IGBP1: variants seen among roughly 807,000 people sequenced by gnomAD.
IGBP1 encodes the protein immunoglobulin-binding protein 1.
A neutral mutation model predicts 25.9 loss-of-function variants in IGBP1; 2 were observed. The ratio of observed to expected loss-of-function variants is 0.08; its 90% CI spans 0.03 to 0.24. The LOEUF is 0.24. IGBP1 is among the 10% of genes least tolerant of loss of function. IGBP1 has a pLI of 1.00. For missense variants in IGBP1, 187 were observed against 260.4 expected, an observed-to-expected ratio of 0.72 and a Z score of 1.94; for synonymous variants, 96 against 93.4, an observed-to-expected ratio of 1.03 and a Z score of -0.16.
chrX:70,142,792 C>T (rs1463656518), intron 3 of IGBP1, among the ~76,000 whole-genome samples: 1 of 110,419 alleles, frequency 9.1e-6, no homozygotes, highest in African/African-American at 3.3e-5. Flanking sequence ...GCACTCCAGC[C>T]TGCGCAACGA....
rs2085076799 is a variant in IGBP1, at chrX:70,133,747, C to T, written c.-201C>T. On this transcript the variant is annotated 5_prime_UTR_variant, in exon 2 of 7. Coordinates refer to ENST00000356413, the MANE Select transcript of IGBP1 (RefSeq NM_001551.3). ...GATGCCTACGACTTGTAACGGGCTG[C>T]CTGGTAAAATGAGTCTATGGAAACG... 4 of 447,668 alleles carry T rather than the reference C, an allele frequency of 8.9e-6. No individual in the cohort carries two copies. The highest frequency in any genetic ancestry group is 1.6e-5 in the Non-Finnish European group (4 of 256,884). The allele number at this position is 447,668 out of a possible 1,213,427, so 36.9% of individuals were successfully genotyped here. A position where few individuals can be genotyped will look rare whatever the true frequency, so the allele number is the denominator to read the frequency against.
intron 6 of IGBP1, among the ~76,000 whole-genome samples, chrX:70,162,309 A>G (rs1287281690): frequency 2.7e-5 from 3 of 112,113 alleles, no homozygotes; most frequent in Admixed American, 9.5e-5. Flanking sequence ...GGGACATTCT[A>G]CAAAATACCT....
chrX:70,149,080 T>G, intron 5 of IGBP1: 1 of 335,253 alleles, frequency 3.0e-6, no homozygotes, highest in Admixed American at 4.5e-5. Flanking sequence ...AATACAAAAT[T>G]AGCCGGACAT....
chrX:70,159,845 AAC>A (rs2085261660), intron 6 of IGBP1, among the ~76,000 whole-genome samples: 1 of 111,431 alleles, frequency 9.0e-6, no homozygotes, highest in Non-Finnish European at 1.9e-5. Context: ...GTGCAGTGGC[AAC>A]ACAGCCCCAG....
At chrX:70,136,734 A>C (rs2147565989) in intron 3 of IGBP1, among the ~76,000 whole-genome samples, 1 of 107,352 alleles carries the variant, frequency 9.3e-6, no homozygotes, top group East Asian at 2.9e-4. Context: ...TATTATACAG[A>C]GTTTCACCCT....
At chrX:70,157,084 GT>G (rs1408399237) in intron 6 of IGBP1, among the ~76,000 whole-genome samples, 1 of 112,076 alleles carries the variant, frequency 8.9e-6, no homozygotes, top group Non-Finnish European at 1.9e-5. Flanking sequence ...CAATAAATAT[GT>G]TTGCCCATTT....
intron 6 of IGBP1, among the ~76,000 whole-genome samples, chrX:70,154,417 T>A (rs1490444527): frequency 9.2e-6 from 1 of 108,589 alleles, no homozygotes; most frequent in African/African-American, 3.4e-5. Context: ...AAGTTAAAGA[T>A]GAACATTGTA....
At chrX:70,146,543 A>C (rs1192116599) in intron 3 of IGBP1, 90 bp from the exon 4 acceptor site, 4 of 727,331 alleles carry the variant, frequency 5.5e-6, no homozygotes, top group African/African-American at 4.3e-5. Context: ...CTACCCTATC[A>C]TTTGCAAAGG....
intron 3 of IGBP1, among the ~76,000 whole-genome samples, chrX:70,141,229 C>T (rs1279529027): frequency 1.8e-5 from 2 of 110,233 alleles, no homozygotes; most frequent in African/African-American, 6.6e-5. Context: ...CACCTGTAAT[C>T]CCAGCTACTC....
At position 70,135,521 on chromosome X, in the gene IGBP1, A is replaced by T. The variant is rs1408938528; in HGVS notation, c.482+705A>T. ...TGAGAGCAGACAGGAAGGGCACCTA[A>T]CCAAAGGGAGCAGGAGAGAGGAGAA... On this transcript the variant is annotated intron_variant, in intron 3 of 6. Transcript: ENST00000356413. Among the ~76,000 whole-genome samples the T allele has an allele frequency of 2.7e-5, 3 of 111,820 alleles. No homozygotes were observed. In the Admixed American group the frequency reaches 2.9e-4, roughly 11 times the overall value.
At chrX:70,158,199 G>A (rs2085251909) in intron 6 of IGBP1, among the ~76,000 whole-genome samples, 1 of 112,050 alleles carries the variant, frequency 8.9e-6, no homozygotes, top group Non-Finnish European at 1.9e-5. Flanking sequence ...TAGTCAGAAG[G>A]TCTGAAAGCG....
intron 6 of IGBP1, among the ~76,000 whole-genome samples, chrX:70,158,263 T>C: frequency 9.0e-6 from 1 of 111,667 alleles, no homozygotes; most frequent in Non-Finnish European, 1.9e-5. Flanking sequence ...CGGTCTCCCT[T>C]CCAGGACAGG....
At chrX:70,161,040 C>A (rs1047303387) in intron 6 of IGBP1, among the ~76,000 whole-genome samples, 1 of 111,559 alleles carries the variant, frequency 9.0e-6, no homozygotes, top group Non-Finnish European at 1.9e-5. Flanking sequence ...ACTAAACACA[C>A]ACACACACCC....
intron 6 of IGBP1, chrX:70,164,913 T>C (rs1407102454): frequency 1.8e-5 from 2 of 111,401 alleles, no homozygotes; most frequent in Non-Finnish European, 3.8e-5. Context: ...ATGTAAAAAT[T>C]AGCCAAGTGT....
intron 6 of IGBP1, among the ~76,000 whole-genome samples, chrX:70,152,575 A>G (rs1471687247): frequency 8.9e-6 from 1 of 112,522 alleles, no homozygotes; most frequent in African/African-American, 3.2e-5. Context: ...CAGGGACTTT[A>G]AAGCAGCTAT....
chrX:70,143,479 A>G lies in IGBP1; in HGVS notation c.483-3154A>G, dbSNP rs142864283. 9.3e-3 allele frequency among the ~76,000 whole-genome samples: 1,048 copies of G among 112,425 alleles called. 8 individuals are homozygous for G. The highest frequency in any genetic ancestry group is 0.032 in the African/African-American group (999 of 30,937). ...GACCACTCAGCCAAAGTTTGACAAT[A>G]GTGATTTGTAGTTGACCCATTTGAT... On this transcript the variant is annotated intron_variant, in intron 3 of 6. Transcript: ENST00000356413.
intron 3 of IGBP1, among the ~76,000 whole-genome samples, chrX:70,142,557 G>A (rs770993807): frequency 1.8e-5 from 2 of 110,749 alleles, no homozygotes; most frequent in Admixed American, 1.9e-4. Flanking sequence ...AGTGGCTTGT[G>A]CCTTTAATCG....
In IGBP1 at chrX:70,147,561, G is replaced by A. The variant is rs150130372; in HGVS notation, c.678+733G>A. On this transcript the variant is annotated intron_variant, in intron 4 of 6. Coordinates refer to ENST00000356413, the MANE Select transcript of IGBP1 (RefSeq NM_001551.3). The stretch of plus-strand genomic sequence containing the variant: ...AGACCAGGGGGATATGCTTAGGTTG[G>A]AGGAGGAATTAGAATTTAACCTTGC... Among the ~76,000 whole-genome samples, 646 of 111,867 alleles carry A rather than the reference G, an allele frequency of 5.8e-3. 7 individuals carry two copies. Among genetic ancestry groups the A allele is most frequent in the Middle Eastern group, 9.2e-3 (2 of 218 alleles).
intron 3 of IGBP1, among the ~76,000 whole-genome samples, chrX:70,142,816 C>CA (rs769333295): frequency 3.9e-5 from 4 of 103,289 alleles, no homozygotes; most frequent in African/African-American, 1.1e-4. Flanking sequence ...GAGACCAAAA[C>CA]AAAAAAAACA....
Sources: gnomAD v4.1 joint callset for allele counts (sites outside exome capture counted in the v4.1 genomes callset) on GRCh38, gnomAD v4.1.1 for gene constraint, MANE v1.5 for transcripts, NCBI Gene and HGNC (gene_info 2026-07-23, HGNC 2026-07-21) for gene names.